The following MYOCD variants were observed in gnomAD, a reference collection of about 807,000 sequenced individuals.
The protein encoded by MYOCD is myocardin.
In MYOCD, 32 loss-of-function variants were observed where a neutral mutation model predicts 96.1. The ratio of observed to expected loss-of-function variants is 0.33; its 90% CI spans 0.25 to 0.45. The LOEUF is 0.45. Ranked by LOEUF, MYOCD falls within the 20% of genes least tolerant of loss-of-function variation. The probability of loss-of-function intolerance (pLI) is 1.00; values close to 1 mark genes in which losing one functional copy is unlikely to be tolerated. For missense variants in MYOCD, 1,133 were observed against 1,200.6 expected (o/e 0.94, Z 0.83); for synonymous variants, 469 against 469.0 (o/e 1.00, Z 0.00).
At chr17:12,735,385 C>T (rs1401081076) in intron 5 of MYOCD, among the ~76,000 whole-genome samples, 2 of 152,096 alleles carry the variant, frequency 1.3e-5, no homozygotes, top group East Asian at 3.9e-4. Flanking sequence ...GATAACCCCT[C>T]TCCCACACCA....
intron 1 of MYOCD, among the ~76,000 whole-genome samples, chr17:12,697,192 G>T (rs2030794295): frequency 6.6e-6 from 1 of 151,558 alleles, no homozygotes; most frequent in Non-Finnish European, 1.5e-5. Flanking sequence ...TGGCATGGAG[G>T]GCTCTTGGCA....
At chr17:12,681,700 G>A (rs1057183535) in intron 1 of MYOCD, among the ~76,000 whole-genome samples, 4 of 152,108 alleles carry the variant, frequency 2.6e-5, no homozygotes, top group African/African-American at 9.7e-5. Flanking sequence ...TGTGTACCTG[G>A]TCTCAGCCCC....
At chr17:12,678,889 G>A (rs1053568000) in intron 1 of MYOCD, among the ~76,000 whole-genome samples, 21 of 152,080 alleles carry the variant, frequency 1.4e-4, no homozygotes, top group African/African-American at 4.8e-4. Flanking sequence ...AGTAGAGATG[G>A]GGTTTCAGTG....
intron 1 of MYOCD, among the ~76,000 whole-genome samples, chr17:12,676,029 T>C (rs1225079181): frequency 6.6e-6 from 1 of 152,166 alleles, no homozygotes; most frequent in East Asian, 1.9e-4. Context: ...CGTATCTACA[T>C]AATTTTTAAA....
chr17:12,763,330 T>A lies in MYOCD; in HGVS notation c.2647T>A (p.Phe883Ile), dbSNP rs1336341428. The A allele has an allele frequency of 1.2e-6, 2 of 1,606,784 alleles. No individual in the cohort carries two copies. Among genetic ancestry groups the A allele is most frequent in the Admixed American group, 3.4e-5 (2 of 59,044 alleles). Residue 883 changes from phenylalanine to isoleucine, a missense_variant, in exon 14 of 14, where the codon TTT (phenylalanine) becomes ATT (isoleucine). Coordinates refer to ENST00000425538, the MANE Select transcript of MYOCD (RefSeq NM_001146312.3). ...AAAAATTGGGAGCGAAGAGCCTCAC[T>A]TTGATGGGATAATGGATGGATTCTC... Reference protein sequence around the residue: ...LLKIGSEEPHFDGIMDGFSGK... With the variant: ...LLKIGSEEPHIDGIMDGFSGK...
At chr17:12,739,431 C>T (rs1597796296) in intron 7 of MYOCD, 103 bp downstream of exon 7, 1 of 1,326,228 alleles carries the variant, frequency 7.5e-7, no homozygotes, top group South Asian at 1.8e-5. Flanking sequence ...AGGAGAGTTA[C>T]ACGGAGGACC....
intron 1 of MYOCD, among the ~76,000 whole-genome samples, chr17:12,678,554 A>C (rs1299886934): frequency 1.3e-5 from 2 of 152,286 alleles, no homozygotes; most frequent in Admixed American, 1.3e-4. Flanking sequence ...GAGAGAGAGA[A>C]AACAAAGTTT....
intron 10 of MYOCD, among the ~76,000 whole-genome samples, chr17:12,756,108 T>C (rs1453118267): frequency 1.3e-5 from 2 of 151,856 alleles, no homozygotes; most frequent in Non-Finnish European, 2.9e-5. Context: ...CTGCCGGAGG[T>C]CCATGGCGGG....
chr17:12,743,137 G>A (rs1440936328), intron 7 of MYOCD, among the ~76,000 whole-genome samples: 1 of 152,118 alleles, frequency 6.6e-6, no homozygotes, highest in African/African-American at 2.4e-5. Context: ...TATCTTCCAA[G>A]ACTATACCCT....
chr17:12,685,169 C>T (rs1432476356), intron 1 of MYOCD, among the ~76,000 whole-genome samples: 2 of 151,906 alleles, frequency 1.3e-5, no homozygotes, highest in Non-Finnish European at 2.9e-5. Flanking sequence ...CATGGTGGCA[C>T]ATGCCTGTAA....
intron 1 of MYOCD, among the ~76,000 whole-genome samples, chr17:12,701,458 T>A (rs574545696): frequency 4.5e-4 from 68 of 152,282 alleles, no homozygotes; most frequent in African/African-American, 1.6e-3. Flanking sequence ...GTTAGGAGTT[T>A]GACAGTTTTG....
intron 2 of MYOCD, among the ~76,000 whole-genome samples, chr17:12,707,478 G>T (rs1389308776): frequency 6.6e-6 from 1 of 151,864 alleles, no homozygotes; most frequent in African/African-American, 2.4e-5. Context: ...GGCAGAGGTG[G>T]GCAGATCATG....
At chr17:12,702,095 T>C (rs1426266731) in intron 1 of MYOCD, among the ~76,000 whole-genome samples, 1 of 152,088 alleles carries the variant, frequency 6.6e-6, no homozygotes, top group Non-Finnish European at 1.5e-5. Flanking sequence ...TCTATGTCAT[T>C]AGTATTTTTT....
chr17:12,702,190 C>A (rs2150670659), intron 1 of MYOCD, among the ~76,000 whole-genome samples: 1 of 151,924 alleles, frequency 6.6e-6, no homozygotes, highest in East Asian at 1.9e-4. Flanking sequence ...TCCTTTAATT[C>A]TGTCCATTTT....
At chr17:12,715,623 T>A (rs1332236350) in intron 3 of MYOCD, 49 bp downstream of exon 3, 9 of 1,445,668 alleles carry the variant, frequency 6.2e-6, no homozygotes, top group Admixed American at 1.7e-5. Flanking sequence ...AGGTTATGAA[T>A]CTCTGAATGC....
At chr17:12,722,041 A>C (rs1436902965) in intron 4 of MYOCD, among the ~76,000 whole-genome samples, 6 of 152,176 alleles carry the variant, frequency 3.9e-5, no homozygotes, top group African/African-American at 1.4e-4. Flanking sequence ...TAATAATAAA[A>C]TAAGGGGGCT....
At chr17:12,714,738 G>T (rs2150682482) in intron 2 of MYOCD, among the ~76,000 whole-genome samples, 1 of 152,256 alleles carries the variant, frequency 6.6e-6, no homozygotes, top group South Asian at 2.1e-4. Context: ...GAGAGTGAAG[G>T]CTGGCATTCC....
intron 7 of MYOCD, among the ~76,000 whole-genome samples, chr17:12,742,630 G>T (rs1253052665): frequency 6.6e-6 from 1 of 151,856 alleles, no homozygotes; most frequent in African/African-American, 2.4e-5. Context: ...GAGTGTAGTG[G>T]CGCAATCTCG....
Position 12,743,648 on chromosome 17 carries a change from A to G in MYOCD, c.718-535A>G, listed in dbSNP as rs544185552. Reference sequence around the variant, plus strand: ...GCTGGGATTACAGGCGCCTGACACCACACCTGGCTACTTTTTGTATTTTTT... The same window carrying G: ...GCTGGGATTACAGGCGCCTGACACCGCACCTGGCTACTTTTTGTATTTTTT... On this transcript the variant is annotated intron_variant, in intron 7 of 13. Coordinates refer to ENST00000425538, the MANE Select transcript of MYOCD (RefSeq NM_001146312.3). Among the ~76,000 whole-genome samples the G allele has an allele frequency of 3.0e-4, 46 of 151,750 alleles. No individual in the cohort carries two copies. The South Asian group carries it at 9.0e-3, about 30-fold the overall frequency.
Sources: allele counts gnomAD v4.1 joint callset (sites outside exome capture counted in the v4.1 genomes callset), GRCh38; gene constraint gnomAD v4.1.1; transcripts MANE v1.5; gene names NCBI Gene and HGNC (gene_info 2026-07-23, HGNC 2026-07-21).